Variants in THEM4 observed in about 807,000 individuals in gnomAD.
THEM4 encodes acyl-coenzyme A thioesterase THEM4.
Under a neutral mutation model 25.0 loss-of-function variants are expected in THEM4, and 22 were observed. The ratio of observed to expected loss-of-function variants is 0.88; its 90% CI spans 0.63 to 1.26. The LOEUF is 1.26. Ranked by LOEUF, THEM4 falls within the 50% of genes most tolerant of loss-of-function variation. THEM4 has a pLI of 0.00. For synonymous variants in THEM4, 113 were observed against 105.6 expected, an observed-to-expected ratio of 1.07 and a Z score of -0.43; for missense variants, 286 against 300.3, an observed-to-expected ratio of 0.95 and a Z score of 0.35.
At chr1:151,875,448 TTC>T (rs1443264140) in intron 5 of THEM4, among the ~76,000 whole-genome samples, 1 of 152,160 alleles carries the variant, frequency 6.6e-6, no homozygotes, top group Non-Finnish European at 1.5e-5. Context: ...CATTAAAAAT[TTC>T]TGTTCATAAA....
intron 4 of THEM4, among the ~76,000 whole-genome samples, chr1:151,878,408 A>G (rs1158198050): frequency 6.6e-6 from 1 of 152,226 alleles, no homozygotes; most frequent in Non-Finnish European, 1.5e-5. Flanking sequence ...TAGGCTTACA[A>G]GACATAAGCC....
At chr1:151,890,270 T>C (rs1654068197) in intron 2 of THEM4, 3 of 447,308 alleles carry the variant, frequency 6.7e-6, no homozygotes, top group Admixed American at 4.9e-5. Flanking sequence ...GGGTAAGTAA[T>C]AGTGCACTTG....
At chr1:151,905,689 T>A (rs1558195384) in intron 1 of THEM4, among the ~76,000 whole-genome samples, 1 of 152,112 alleles carries the variant, frequency 6.6e-6, no homozygotes, top group Non-Finnish European at 1.5e-5. Context: ...AAAGTAAAGT[T>A]CCCCCTTGAA....
chr1:151,880,227 T>C (rs1572073209), intron 4 of THEM4, among the ~76,000 whole-genome samples: 1 of 151,884 alleles, frequency 6.6e-6, no homozygotes, highest in East Asian at 2.0e-4. Context: ...CCTGTAATCC[T>C]AGCACTTTGG....
chr1:151,904,091 C>T (rs574827998), intron 1 of THEM4, among the ~76,000 whole-genome samples: 6 of 152,128 alleles, frequency 3.9e-5, no homozygotes, highest in African/African-American at 7.2e-5. Flanking sequence ...TGATTTCCTA[C>T]GGATAAAAAG....
rs949750793 is a variant in THEM4 at position 151,880,478 on chromosome 1, G to GA, written c.558-3354dup. Among the ~76,000 whole-genome samples the GA allele has an allele frequency of 1.6e-4, 23 of 146,496 alleles. No homozygotes were observed. In the East Asian group the frequency reaches 2.6e-3, roughly 16 times the overall value. ...GGGTGACAGAGCGAGACTCTGTCTTGAAAAAAAAAAATTGAGAACAATGTG... is the reference window on the plus strand; with the variant it reads ...GGGTGACAGAGCGAGACTCTGTCTTGAAAAAAAAAAAATTGAGAACAATGTG... On this transcript the variant is annotated intron_variant, in intron 4 of 5. Coordinates refer to ENST00000368814, the MANE Select transcript of THEM4 (RefSeq NM_053055.5).
intron 2 of THEM4, chr1:151,891,284 T>G (rs964271849): frequency 4.6e-5 from 7 of 152,228 alleles, no homozygotes; most frequent in Non-Finnish European, 8.8e-5. Flanking sequence ...GAGATTTGCA[T>G]TTTGAATCAT....
At position 151,874,722 on chromosome 1, in the gene THEM4, T is replaced by G; in HGVS notation, c.*166A>C. ...AGGAAGTATTTCTGTGTTAAAAAGT[T>G]GAGAAGATGGAAACTGAATCCTCTT... On this transcript the variant is annotated 3_prime_UTR_variant, in exon 6 of 6. Transcript: ENST00000368814. 1.4e-6 allele frequency: 1 copy of G among 708,136 alleles called. No individual in the cohort carries two copies. The highest frequency in any genetic ancestry group is 2.5e-6 in the Non-Finnish European group (1 of 399,550). The allele number at this position is 708,136 out of a possible 1,614,324, so 43.9% of individuals were successfully genotyped here. A position where few individuals can be genotyped will look rare whatever the true frequency, so the allele number is the denominator to read the frequency against.
intron 1 of THEM4, among the ~76,000 whole-genome samples, chr1:151,908,260 C>T (rs763828326): frequency 3.3e-5 from 5 of 152,184 alleles, no homozygotes; most frequent in Admixed American, 6.5e-5. Flanking sequence ...TGAGGTAAGT[C>T]GTAAGCTGTA....
intron 1 of THEM4, among the ~76,000 whole-genome samples, chr1:151,903,363 A>G (rs1287092211): frequency 1.3e-5 from 2 of 152,250 alleles, no homozygotes; most frequent in African/African-American, 4.8e-5. Context: ...TTTGCTTTCT[A>G]CATTTACCAC....
intron 4 of THEM4, among the ~76,000 whole-genome samples, chr1:151,882,816 G>A (rs893525190): frequency 4.6e-5 from 7 of 152,042 alleles, no homozygotes; most frequent in Admixed American, 1.3e-4. Flanking sequence ...TAACTTGTAG[G>A]GAGAAATGAT....
intron 1 of THEM4, among the ~76,000 whole-genome samples, chr1:151,901,862 A>G (rs948095637): frequency 1.3e-5 from 2 of 152,102 alleles, no homozygotes; most frequent in African/African-American, 4.8e-5. Context: ...ACAAACAAAA[A>G]AAAAAAACAA....
intron 1 of THEM4, among the ~76,000 whole-genome samples, chr1:151,896,241 AC>A (rs1178202569): frequency 1.3e-5 from 2 of 151,678 alleles, no homozygotes; most frequent in African/African-American, 4.8e-5. Flanking sequence ...TGATCTGCCC[AC>A]CTCGGCCTCC....
At chr1:151,885,735 C>T (rs1020542761) in intron 4 of THEM4, among the ~76,000 whole-genome samples, 1 of 152,182 alleles carries the variant, frequency 6.6e-6, no homozygotes, top group African/African-American at 2.4e-5. Context: ...GTTTGACCTG[C>T]TTTGTCTATT....
chr1:151,891,964 GTTTTT>G (rs899880186), intron 2 of THEM4, among the ~76,000 whole-genome samples: 1 of 150,662 alleles, frequency 6.6e-6, no homozygotes, highest in Admixed American at 6.6e-5. Context: ...TTTTGTTTTT[GTTTTT>G]TTTTGAGACA....
In THEM4 at chr1:151,877,028, C is replaced by T. The variant is rs1430622646; in HGVS notation, c.655G>A (p.Glu219Lys). The T allele has an allele frequency of 1.9e-6, 3 of 1,613,378 alleles. No homozygotes were observed. The highest frequency in any genetic ancestry group is 4.5e-5 in the East Asian group (2 of 44,878). ...GTCGCCTCTGAGTATAGGGTCTTCT[C>T]ATCAACACTCTGAACATTACAGGAA... ...FVSCNVQSVD[E>K]KTLYSEATSL... Residue 219 changes from glutamate (E) to lysine (K), a missense_variant, in exon 5 of 6, where the codon GAG becomes AAG. By Grantham distance (56) the Glu-to-Lys change is moderately conservative (BLOSUM62 1). Coordinates refer to ENST00000368814, the MANE Select transcript of THEM4 (RefSeq NM_053055.5).
chr1:151,882,195 G>A (rs555163162), intron 4 of THEM4, among the ~76,000 whole-genome samples: 24 of 151,732 alleles, frequency 1.6e-4, no homozygotes, highest in Middle Eastern at 6.8e-3. Context: ...GACCAACATG[G>A]CAAAAACCCA....
chr1:151,905,565 T>G (rs553480462), intron 1 of THEM4, among the ~76,000 whole-genome samples: 1 of 152,256 alleles, frequency 6.6e-6, no homozygotes, highest in East Asian at 1.9e-4. Flanking sequence ...CCAAAGGCAG[T>G]AACAGGCAAA....
At chr1:151,905,398 A>G (rs913682303) in intron 1 of THEM4, among the ~76,000 whole-genome samples, 22 of 152,084 alleles carry the variant, frequency 1.4e-4, no homozygotes, top group African/African-American at 5.3e-4. Flanking sequence ...TGAATTGAGA[A>G]GAAAGTCCTT....
Sources: allele counts gnomAD v4.1 joint callset (sites outside exome capture counted in the v4.1 genomes callset), GRCh38; gene constraint gnomAD v4.1.1; transcripts MANE v1.5; gene names NCBI Gene and HGNC (gene_info 2026-07-23, HGNC 2026-07-21).